Variants in ADAMTS19 observed in about 807,000 individuals in gnomAD.
ADAMTS19 encodes A disintegrin and metalloproteinase with thrombospondin motifs 19.
Under a neutral mutation model 153.3 loss-of-function variants are expected in ADAMTS19, and 93 were observed. That is an observed-to-expected ratio of 0.61 (90% CI 0.51 to 0.72). The LOEUF (loss-of-function observed/expected upper bound fraction) is 0.72, where lower values mean the gene tolerates loss of function less well. ADAMTS19 is among the 30% of genes least tolerant of loss of function. The probability of loss-of-function intolerance (pLI) is 0.00; values close to 1 mark genes in which losing one functional copy is unlikely to be tolerated. For synonymous variants in ADAMTS19, 600 were observed against 556.6 expected (o/e 1.08, Z -1.10); for missense variants, 1,482 against 1,552.1 (o/e 0.95, Z 0.76).
chr5:129,627,766 G>T (rs1193558052), intron 10 of ADAMTS19, among the ~76,000 whole-genome samples: 1 of 152,032 alleles, frequency 6.6e-6, no homozygotes, highest in Non-Finnish European at 1.5e-5. Flanking sequence ...AGTCAGAATG[G>T]CTATTATTAG....
At position 129,489,359 on chromosome 5, in the gene ADAMTS19, A is replaced by T. The variant is rs551565786; in HGVS notation, c.748-19718A>T. Among the ~76,000 whole-genome samples, 7 of 152,294 alleles carry T rather than the reference A, an allele frequency of 4.6e-5. No homozygotes were observed. In the South Asian group the frequency reaches 1.4e-3, roughly 32 times the overall value. On this transcript the variant is annotated intron_variant, in intron 2 of 22. Transcript: ENST00000274487. ...CAATGTGGTTATATTATTGCTTTAA[A>T]GACATACAGGTCCCATGTGACAGAA...
chr5:129,602,006 A>G (rs1310182207), intron 8 of ADAMTS19, among the ~76,000 whole-genome samples: 7 of 152,230 alleles, frequency 4.6e-5, no homozygotes, highest in Non-Finnish European at 8.8e-5. Context: ...ACTTCCAAGG[A>G]GTCAGGCAAG....
intron 2 of ADAMTS19, among the ~76,000 whole-genome samples, chr5:129,478,833 C>T (rs1750316479): frequency 6.6e-6 from 1 of 152,170 alleles, no homozygotes; most frequent in African/African-American, 2.4e-5. Flanking sequence ...TGAACCACTG[C>T]ACCTGGCCAC....
chr5:129,643,240 T>C (rs764197994), intron 11 of ADAMTS19, among the ~76,000 whole-genome samples: 1 of 151,822 alleles, frequency 6.6e-6, no homozygotes, highest in Non-Finnish European at 1.5e-5. Flanking sequence ...CACATGTCTG[T>C]AATCCCAGCT....
intron 11 of ADAMTS19, 23 bp from the exon 12 acceptor site, chr5:129,647,742 C>CTAA: frequency 6.2e-7 from 1 of 1,611,454 alleles, no homozygotes. Flanking sequence ...ATTTGTTCAC[C>CTAA]TAAGACATAA....
At chr5:129,583,761 C>T (rs770613107) in intron 7 of ADAMTS19, among the ~76,000 whole-genome samples, 15 of 151,818 alleles carry the variant, frequency 9.9e-5, no homozygotes, top group African/African-American at 1.7e-4. Context: ...TCAGCTCCAT[C>T]GCATCATTTC....
At position 129,564,419 on chromosome 5, in the gene ADAMTS19, G is replaced by A. The variant is rs184743440; in HGVS notation, c.1372+12512G>A. 5.9e-5 allele frequency among the ~76,000 whole-genome samples: 9 copies of A among 152,224 alleles called. No homozygotes were observed. The East Asian group carries it at 1.7e-3, about 29-fold the overall frequency. On this transcript the variant is annotated intron_variant, in intron 7 of 22. Transcript: ENST00000274487. ...TGCATATTATTTCATATTAATTGGG[G>A]GCTTTTATATGGGAAGAAAACAAGT... is the stretch of plus-strand genomic sequence containing the variant.
rs577085691 is a variant in ADAMTS19, at chr5:129,547,456, A to G, written c.1329-4408A>G. On this transcript the variant is annotated intron_variant, in intron 6 of 22. Transcript: ENST00000274487. Reference sequence around the variant, plus strand: ...TATGGAATTTTTACAGCAGCAATAGAGAACAAATATATCATACTTTAGAAA... The same window carrying G: ...TATGGAATTTTTACAGCAGCAATAGGGAACAAATATATCATACTTTAGAAA... Among the ~76,000 whole-genome samples the G allele has an allele frequency of 6.6e-4, 100 of 150,872 alleles. 4 individuals are homozygous for G. The highest frequency in any genetic ancestry group is 2.4e-3 in the African/African-American group (97 of 40,228).
chr5:129,543,350 C>T (rs957019110), intron 6 of ADAMTS19, among the ~76,000 whole-genome samples: 1 of 151,974 alleles, frequency 6.6e-6, no homozygotes, highest in Non-Finnish European at 1.5e-5. Flanking sequence ...CTGCACCCAG[C>T]CTGGATTAAC....
At chr5:129,723,720 A>G (rs1445407279) in intron 21 of ADAMTS19, among the ~76,000 whole-genome samples, 3 of 152,210 alleles carry the variant, frequency 2.0e-5, no homozygotes, top group Admixed American at 6.5e-5. Context: ...TAAAATATTT[A>G]AAGAGATTTA....
chr5:129,532,006 A>G lies in ADAMTS19; in HGVS notation c.1328+3329A>G, dbSNP rs191319902. 1.1e-4 allele frequency among the ~76,000 whole-genome samples: 17 copies of G among 152,302 alleles called. No homozygotes were observed. The East Asian group carries it at 3.3e-3, about 29-fold the overall frequency. Reference sequence around the variant, plus strand: ...AGTATCAGTCCTATTTAACATGTGTAAAATTAATTCAAAAAGGATCACAGA... The same window carrying G: ...AGTATCAGTCCTATTTAACATGTGTGAAATTAATTCAAAAAGGATCACAGA... On this transcript the variant is annotated intron_variant, in intron 6 of 22. Coordinates refer to ENST00000274487, the MANE Select transcript of ADAMTS19 (RefSeq NM_133638.6).
At chr5:129,502,642 A>C (rs1751141228) in intron 2 of ADAMTS19, among the ~76,000 whole-genome samples, 1 of 152,224 alleles carries the variant, frequency 6.6e-6, no homozygotes, top group Non-Finnish European at 1.5e-5. Flanking sequence ...TGGGCACACA[A>C]GGAAGCCAAC....
intron 10 of ADAMTS19, among the ~76,000 whole-genome samples, chr5:129,641,593 A>G (rs985124905): frequency 1.3e-5 from 2 of 152,180 alleles, no homozygotes; most frequent in Admixed American, 6.5e-5. Flanking sequence ...ATCATCTTGT[A>G]TAACCATATG....
At chr5:129,727,432 C>G (rs1757251646) in intron 21 of ADAMTS19, among the ~76,000 whole-genome samples, 1 of 152,060 alleles carries the variant, frequency 6.6e-6, no homozygotes, top group Non-Finnish European at 1.5e-5. Flanking sequence ...AAAAAGCTTT[C>G]AAAATTCATT....
chr5:129,467,312 A>T (rs138761637), intron 2 of ADAMTS19, among the ~76,000 whole-genome samples: 75 of 152,296 alleles, frequency 4.9e-4, no homozygotes, highest in African/African-American at 1.8e-3. Context: ...AACCAAGATT[A>T]GTTAGGGAGA....
chr5:129,542,020 C>A (rs1752669874), intron 6 of ADAMTS19, among the ~76,000 whole-genome samples: 1 of 152,012 alleles, frequency 6.6e-6, no homozygotes, highest in Non-Finnish European at 1.5e-5. Context: ...ATATGTTTTG[C>A]TGCCAGCAGA....
chr5:129,622,373 T>C, intron 10 of ADAMTS19, 25 bp downstream of exon 10: 1 of 1,613,526 alleles, frequency 6.2e-7, no homozygotes. Context: ...GGGGATTTTG[T>C]GCGTTCATTC....
At chr5:129,658,366 A>AG in intron 14 of ADAMTS19, among the ~76,000 whole-genome samples, 2 of 148,626 alleles carry the variant, frequency 1.3e-5, no homozygotes, top group Admixed American at 6.7e-5. Flanking sequence ...AGAAAGAAAG[A>AG]AAGAGAGAGA....
intron 21 of ADAMTS19, among the ~76,000 whole-genome samples, chr5:129,704,861 A>C (rs552931314): frequency 6.6e-6 from 1 of 152,280 alleles, no homozygotes; most frequent in South Asian, 2.1e-4. Context: ...GAAAGGAACA[A>C]AATGTTGACA....
Sources: allele counts gnomAD v4.1 joint callset (sites outside exome capture counted in the v4.1 genomes callset), GRCh38; gene constraint gnomAD v4.1.1; transcripts MANE v1.5; gene names NCBI Gene and HGNC (gene_info 2026-07-23, HGNC 2026-07-21).